The following SGCZ variants were observed in gnomAD, a reference collection of about 807,000 sequenced individuals.
The protein encoded by SGCZ is sarcoglycan zeta.
In SGCZ, 40 loss-of-function variants were observed where a neutral mutation model predicts 41.3. The observed-to-expected ratio is 0.97, with a 90% CI of 0.75 to 1.26. The LOEUF (loss-of-function observed/expected upper bound fraction) is 1.26, where lower values mean the gene tolerates loss of function less well. Among genes scored for constraint, SGCZ ranks in the 50% most tolerant of loss-of-function variants. The pLI is 0.00. For synonymous variants in SGCZ, 206 were observed against 137.5 expected (o/e 1.50, Z -3.49); for missense variants, 552 against 369.8 (o/e 1.49, Z -4.04).
At chr8:14,878,932 T>A (rs925801724) in intron 1 of SGCZ, 1 of 152,318 alleles carries the variant, frequency 6.6e-6, no homozygotes, top group African/African-American at 2.4e-5. Context: ...GTTGTTGTTG[T>A]TGTTTTACCT....
At chr8:14,539,172 G>C (rs955021276) in intron 2 of SGCZ, among the ~76,000 whole-genome samples, 1 of 151,942 alleles carries the variant, frequency 6.6e-6, no homozygotes, top group Non-Finnish European at 1.5e-5. Flanking sequence ...ATTATCTTCG[G>C]ACTGGAACTA....
At chr8:14,289,983 T>G (rs1585324802) in intron 3 of SGCZ, among the ~76,000 whole-genome samples, 1 of 151,710 alleles carries the variant, frequency 6.6e-6, no homozygotes, top group African/African-American at 2.4e-5. Flanking sequence ...CACCAGACAG[T>G]TTTAAACAGC....
intron 1 of SGCZ, among the ~76,000 whole-genome samples, chr8:15,142,161 T>C (rs954142754): frequency 1.3e-5 from 2 of 152,154 alleles, no homozygotes; most frequent in African/African-American, 4.8e-5. Context: ...ATTCTTTTCA[T>C]AAAATGACTA....
At chr8:14,240,724 C>G (rs1798852884) in intron 3 of SGCZ, among the ~76,000 whole-genome samples, 1 of 152,052 alleles carries the variant, frequency 6.6e-6, no homozygotes, top group East Asian at 1.9e-4. Flanking sequence ...AAATTTGATG[C>G]CTGTAGGATC....
intron 1 of SGCZ, among the ~76,000 whole-genome samples, chr8:15,186,615 C>T (rs1800353493): frequency 6.6e-6 from 1 of 152,090 alleles, no homozygotes; most frequent in Non-Finnish European, 1.5e-5. Flanking sequence ...CAAAAGATGG[C>T]ATTAAAATTG....
intron 2 of SGCZ, among the ~76,000 whole-genome samples, chr8:14,411,614 A>G (rs1799362631): frequency 6.6e-6 from 1 of 152,090 alleles, no homozygotes; most frequent in Non-Finnish European, 1.5e-5. Context: ...TATGAGCCAT[A>G]TTTATTACTT....
intron 1 of SGCZ, among the ~76,000 whole-genome samples, chr8:14,723,459 G>A (rs1354045559): frequency 2.0e-5 from 3 of 152,120 alleles, no homozygotes; most frequent in Non-Finnish European, 4.4e-5. Context: ...CCTTTCTGGA[G>A]AACAGAGGGA....
chr8:14,189,889 G>C (rs1029035453), intron 4 of SGCZ, among the ~76,000 whole-genome samples: 1 of 152,080 alleles, frequency 6.6e-6, no homozygotes, highest in Non-Finnish European at 1.5e-5. Flanking sequence ...TAACCTGTAA[G>C]AGAAGTTCAA....
intron 5 of SGCZ, among the ~76,000 whole-genome samples, chr8:14,142,716 G>A (rs961192094): frequency 7.2e-5 from 11 of 152,142 alleles, no homozygotes; most frequent in Non-Finnish European, 1.6e-4. Context: ...TGGGCCTGGT[G>A]GGAGGTGACG....
chr8:14,216,478 G>C (rs967029373), intron 4 of SGCZ, among the ~76,000 whole-genome samples: 2 of 152,110 alleles, frequency 1.3e-5, no homozygotes, highest in African/African-American at 4.8e-5. Flanking sequence ...ACTTCCTAGA[G>C]TCCAACATTT....
chr8:14,284,290 G>C (rs996988083), intron 3 of SGCZ, among the ~76,000 whole-genome samples: 3 of 152,170 alleles, frequency 2.0e-5, no homozygotes, highest in Non-Finnish European at 4.4e-5. Context: ...ATACTCAGGA[G>C]GCTGAGGTGG....
At chr8:14,677,683 ATC>A (rs1808318864) in intron 1 of SGCZ, among the ~76,000 whole-genome samples, 1 of 152,178 alleles carries the variant, frequency 6.6e-6, no homozygotes, top group Non-Finnish European at 1.5e-5. Context: ...AGGCAAGAGA[ATC>A]GCTTGAACCT....
intron 1 of SGCZ, among the ~76,000 whole-genome samples, chr8:14,803,052 T>C (rs940642802): frequency 2.6e-5 from 4 of 152,194 alleles, no homozygotes; most frequent in East Asian, 1.9e-4. Context: ...ACCTTTTAAA[T>C]TTATTCCTGT....
At chr8:14,511,690 T>C (rs1233191666) in intron 2 of SGCZ, among the ~76,000 whole-genome samples, 1 of 152,076 alleles carries the variant, frequency 6.6e-6, no homozygotes, top group Admixed American at 6.6e-5. Flanking sequence ...GTGAAAGAAT[T>C]TAGGGAAGAA....
Position 15,221,266 on chromosome 8 carries a change from C to T in SGCZ, c.39+16319G>A, listed in dbSNP as rs1373531897. On this transcript the variant is annotated intron_variant, in intron 1 of 7. Coordinates refer to ENST00000382080, the MANE Select transcript of SGCZ (RefSeq NM_139167.4). ...TTGCGAAGAAGGGTGTATTAAAATA[C>T]ACTTAACTGCAAATGAAATAAATCA... Among the ~76,000 whole-genome samples, 4 of 152,224 alleles carry T rather than the reference C, an allele frequency of 2.6e-5. No homozygotes were observed. In the East Asian group the frequency reaches 5.8e-4, roughly 22 times the overall value.
At chr8:14,758,818 G>C (rs1799767237) in intron 1 of SGCZ, among the ~76,000 whole-genome samples, 1 of 152,104 alleles carries the variant, frequency 6.6e-6, no homozygotes, top group South Asian at 2.1e-4. Context: ...AGACCAGCCT[G>C]ATCAACATGA....
At chr8:14,620,079 T>A (rs1486039550) in intron 1 of SGCZ, among the ~76,000 whole-genome samples, 1 of 152,136 alleles carries the variant, frequency 6.6e-6, no homozygotes, top group African/African-American at 2.4e-5. Context: ...ATGGTACTGG[T>A]ACCAAAACAG....
intron 2 of SGCZ, among the ~76,000 whole-genome samples, chr8:14,403,855 T>C (rs190834251): frequency 5.6e-4 from 84 of 151,146 alleles, no homozygotes; most frequent in African/African-American, 2.1e-3. Flanking sequence ...CTGTTAACTA[T>C]ATATTTTTTA....
chr8:14,207,338 T>C (rs1315657348), intron 4 of SGCZ, among the ~76,000 whole-genome samples: 2 of 152,196 alleles, frequency 1.3e-5, no homozygotes, highest in Non-Finnish European at 2.9e-5. Flanking sequence ...GTTCTTTAGT[T>C]CTACTTAACA....
Sources: gnomAD v4.1 joint callset for allele counts (sites outside exome capture counted in the v4.1 genomes callset) on GRCh38, gnomAD v4.1.1 for gene constraint, MANE v1.5 for transcripts, NCBI Gene and HGNC (gene_info 2026-07-23, HGNC 2026-07-21) for gene names.